OR8U3: variants seen among roughly 807,000 people sequenced by gnomAD.
OR8U3 encodes the protein olfactory receptor 8U3.
For missense variants in OR8U3, 429 were observed against 388.6 expected, an observed-to-expected ratio of 1.10 and a Z score of -0.88; for synonymous variants, 170 against 147.0, an observed-to-expected ratio of 1.16 and a Z score of -1.13.
rs776135036 is a variant in OR8U3, at chr11:56,417,371, G to A, written c.862C>T (p.Leu288=). 6 of 1,612,404 alleles carry A rather than the reference G, an allele frequency of 3.7e-6. No individual in the cohort carries two copies. The Admixed American group carries it at 5.0e-5, about 13-fold the overall frequency. ...YTVVIPMLNP[L]IYSLRNKEVK... is the part of the protein sequence containing the mutation. The stretch of plus-strand genomic sequence containing the variant: ...TCTTTGTTCCTTAGACTATAGATTA[G>A]GGGGTTTAACATGGGGATCACCACT... The change falls in exon 1 of 1, where the codon CTA becomes TTA. Residue 288 remains leucine, a synonymous_variant. Transcript: ENST00000623286.
rs771732923 is a variant in OR8U3, at chr11:56,417,334, G to T, written c.899C>A (p.Ala300Asp). ...ACCTTTATCCAAGGCTTTCTTTGAG[G>T]CATCTTTCACTTCTTTGTTCCTTAG... ...YSLRNKEVKD[A>D]SKKALDKGCE... The change falls in exon 1 of 1, where the codon GCC (alanine) becomes GAC (aspartate). Residue 300 changes from alanine to aspartate, a missense_variant. Coordinates refer to ENST00000623286, the MANE Select transcript of OR8U3 (RefSeq NM_001004744.1). 11 of 1,598,052 alleles carry T rather than the reference G, an allele frequency of 6.9e-6. No homozygotes were observed. The highest frequency in any genetic ancestry group is 9.4e-6 in the Non-Finnish European group (11 of 1,167,518).
Position 56,417,767 on chromosome 11 carries a change from CA to C in OR8U3, c.465del (p.Ala156ProfsTer11). 1 of 1,614,002 alleles carries C rather than the reference CA, an allele frequency of 6.2e-7. No homozygotes were observed. The highest frequency in any genetic ancestry group is 1.7e-5 in the Admixed American group (1 of 59,994). On this transcript the variant is annotated frameshift_variant, in exon 1 of 1. Coordinates refer to ENST00000623286, the MANE Select transcript of OR8U3 (RefSeq NM_001004744.1). LOFTEE classifies it low-confidence loss of function (END_TRUNC). ...AAAGTGATAACGGTGTGGAAGAGGGCAACCAGGAAGCTGTATATATATGGAA... is the reference window on the plus strand; with the variant it reads ...AAAGTGATAACGGTGTGGAAGAGGGCACCAGGAAGCTGTATATATATGGAA... ...VAVPYIYSFL[V>X]ALFHTVITFR...
rs1353156161 is a variant in OR8U3, at chr11:56,417,519, A to T, written c.714T>A (p.Ile238=). ...TCACCATATGGGAGCCACAGGTGGAAATGGCTTTGTGTTGCCCCTGAGTAG... is the reference window on the plus strand; with the variant it reads ...TCACCATATGGGAGCCACAGGTGGATATGGCTTTGTGTTGCCCCTGAGTAG... ...IRSTQGQHKA[I]STCGSHMVTV... Residue 238 remains isoleucine (I), a synonymous_variant, in exon 1 of 1, where the codon ATT becomes ATA. Coordinates refer to ENST00000623286, the MANE Select transcript of OR8U3 (RefSeq NM_001004744.1). 2 of 1,613,932 alleles carry T rather than the reference A, an allele frequency of 1.2e-6. No homozygotes were observed. Among genetic ancestry groups the T allele is most frequent in the Non-Finnish European group, 1.7e-6 (2 of 1,179,970 alleles).
In OR8U3 at chr11:56,417,424, G is replaced by T. The variant is rs761333374; in HGVS notation, c.809C>A (p.Thr270Lys). 6.2e-7 allele frequency: 1 copy of T among 1,613,304 alleles called. No homozygotes were observed. The highest frequency in any genetic ancestry group is 1.1e-5 in the South Asian group (1 of 91,058). Residue 270 changes from threonine to lysine, a missense_variant, in exon 1 of 1, where the codon ACA becomes AAA. Transcript: ENST00000623286. The part of the protein sequence containing the change: ...LQPKSNHSLD[T>K]DKMASVFYTV... ...GTAAAATACAGAAGCCATCTTGTCT[G>T]TGTCCAAGGAGTGATTTGATTTGGG...
rs1438388487 is a variant in OR8U3, at chr11:56,417,573, AAAG to A, written c.657_659del (p.Phe220del). 1.2e-6 allele frequency: 2 copies of A among 1,613,878 alleles called. No homozygotes were observed. The highest frequency in any genetic ancestry group is 1.7e-6 in the Non-Finnish European group (2 of 1,179,828). ...GGATCCTTAGGATAGCGGCAATAAT[AAAG>A]ATGTAGGAGGTGAGGACAATGGAAG... On this transcript the variant is annotated inframe_deletion, in exon 1 of 1. Transcript: ENST00000623286.
At position 56,418,215 on chromosome 11, in the gene OR8U3, G is replaced by T. The variant is rs749261947; in HGVS notation, c.18C>A (p.Ile6=). The change falls in exon 1 of 1, where the codon ATC becomes ATA. Residue 6 remains isoleucine, a synonymous_variant. Transcript: ENST00000623286. MAEVN[I]IYVTVFILKG... is the part of the protein sequence containing the mutation. ...TCAGAATGAATACAGTGACATAAAT[G>T]ATATTAACTTCAGCCATTTATCCTA... The T allele has an allele frequency of 6.3e-6, 10 of 1,583,894 alleles. No homozygotes were observed. Among genetic ancestry groups the T allele is most frequent in the Non-Finnish European group, 8.6e-6 (10 of 1,168,716 alleles).
At position 56,417,350 on chromosome 11, in the gene OR8U3, T is replaced by G; in HGVS notation, c.883A>C (p.Lys295Gln). Residue 295 changes from lysine (K) to glutamine (Q), a missense_variant, in exon 1 of 1, where the codon AAA becomes CAA. Lys to Gln is a moderately conservative substitution (Grantham distance 53). Coordinates refer to ENST00000623286, the MANE Select transcript of OR8U3 (RefSeq NM_001004744.1). ...TTCTTTGAGGCATCTTTCACTTCTTTGTTCCTTAGACTATAGATTAGGGGG... is the reference window on the plus strand; with the variant it reads ...TTCTTTGAGGCATCTTTCACTTCTTGGTTCCTTAGACTATAGATTAGGGGG... ...LNPLIYSLRNKEVKDASKKAL... is the reference protein window; with the variant it reads ...LNPLIYSLRNQEVKDASKKAL... The G allele has an allele frequency of 6.2e-7, 1 of 1,610,210 alleles. No homozygotes were observed. Among genetic ancestry groups the G allele is most frequent in the Non-Finnish European group, 8.5e-7 (1 of 1,176,850 alleles).
Position 56,418,191 on chromosome 11 carries a change from C to A in OR8U3, c.42G>T (p.Leu14=). ...GCTCTGGCCGGTTGGTAATTCCTTT[C>A]AGAATGAATACAGTGACATAAATGA... ...VNIIYVTVFI[L]KGITNRPELQ... The change falls in exon 1 of 1, where the codon CTG becomes CTT. Residue 14 remains leucine, a synonymous_variant. Transcript: ENST00000623286. The A allele has an allele frequency of 6.2e-7, 1 of 1,610,204 alleles. No individual in the cohort carries two copies. The highest frequency in any genetic ancestry group is 8.5e-7 in the Non-Finnish European group (1 of 1,178,228).
At position 56,417,502 on chromosome 11, in the gene OR8U3, TG is replaced by T; in HGVS notation, c.730del (p.His244IlefsTer3). On this transcript the variant is annotated frameshift_variant, in exon 1 of 1. Coordinates refer to ENST00000623286, the MANE Select transcript of OR8U3 (RefSeq NM_001004744.1). LOFTEE classifies it low-confidence loss of function (END_TRUNC). Reference sequence around the variant, plus strand: ...ATAGAAAATAGTGACAGTCACCATATGGGAGCCACAGGTGGAAATGGCTTTG... The same window carrying T: ...ATAGAAAATAGTGACAGTCACCATATGGAGCCACAGGTGGAAATGGCTTTG... ...QHKAISTCGSHMVTVTIFYGT... is the reference protein window; with the variant it reads ...QHKAISTCGSXMVTVTIFYGT... 2 of 1,613,982 alleles carry T rather than the reference TG, an allele frequency of 1.2e-6. No homozygotes were observed. The highest frequency in any genetic ancestry group is 1.7e-6 in the Non-Finnish European group (2 of 1,179,932).
In OR8U3 at chr11:56,418,084, T is replaced by G. The variant is rs1490726534; in HGVS notation, c.149A>C (p.Lys50Thr). ...LGNLGLITLIKIDTRLHTPMY... is the reference protein window; with the variant it reads ...LGNLGLITLITIDTRLHTPMY... The stretch of plus-strand genomic sequence containing the variant: ...AGGTGTGTGGAGTCGAGTATCAATC[T>G]TGATTAAAGTAATCAACCCAAGATT... Residue 50 changes from lysine (K) to threonine (T), a missense_variant, in exon 1 of 1, where the codon AAG becomes ACG. Coordinates refer to ENST00000623286, the MANE Select transcript of OR8U3 (RefSeq NM_001004744.1). 6.2e-7 allele frequency: 1 copy of G among 1,613,776 alleles called. No individual in the cohort carries two copies. The highest frequency in any genetic ancestry group is 8.5e-7 in the Non-Finnish European group (1 of 1,179,890).
chr11:56,417,892 A>T lies in OR8U3; in HGVS notation c.341T>A (p.Leu114His). The T allele has an allele frequency of 6.2e-7, 1 of 1,613,936 alleles. No homozygotes were observed. ...GCAATCGTAGGCCATGGAGGCTAGA[A>T]GGAAACACTCAGTGATCATGAAGGT... ...FLTFMITECFLLASMAYDCYV... is the reference protein window; with the variant it reads ...FLTFMITECFHLASMAYDCYV... Residue 114 changes from leucine to histidine, a missense_variant, in exon 1 of 1, where the codon CTT becomes CAT. Transcript: ENST00000623286.
At position 56,417,959 on chromosome 11, in the gene OR8U3, T is replaced by A. The variant is rs1232507731; in HGVS notation, c.274A>T (p.Ile92Phe). ...TGGGTTGCACAAGCATGGAAAGGAA[T>A]GGTGTTGCGTTCCACAACAAAATTC... ...MVNFVVERNT[I>F]PFHACATQLG... The change falls in exon 1 of 1, where the codon ATT becomes TTT. Residue 92 changes from isoleucine to phenylalanine, a missense_variant. Ile to Phe is a conservative substitution (Grantham distance 21). Coordinates refer to ENST00000623286, the MANE Select transcript of OR8U3 (RefSeq NM_001004744.1). 6.2e-7 allele frequency: 1 copy of A among 1,613,690 alleles called. No homozygotes were observed. The highest frequency in any genetic ancestry group is 1.3e-5 in the African/African-American group (1 of 74,886).
At position 56,418,101 on chromosome 11, in the gene OR8U3, C is replaced by A; in HGVS notation, c.132G>T (p.Gly44=). 6.2e-7 allele frequency: 1 copy of A among 1,613,762 alleles called. No homozygotes were observed. The highest frequency in any genetic ancestry group is 1.3e-5 in the African/African-American group (1 of 74,952). Residue 44 remains glycine, a synonymous_variant, in exon 1 of 1, where the codon GGG becomes GGT. Transcript: ENST00000623286. ...TATCAATCTTGATTAAAGTAATCAA[C>A]CCAAGATTGCCCAGCACTGTGACCA... The part of the protein sequence containing the change: ...IYLVTVLGNL[G]LITLIKIDTR...
In OR8U3 at chr11:56,417,385, G is replaced by A; in HGVS notation, c.848C>T (p.Pro283Leu). Residue 283 changes from proline to leucine, a missense_variant, in exon 1 of 1, where the codon CCC becomes CTC. Pro to Leu is a moderately conservative substitution (Grantham distance 98). Coordinates refer to ENST00000623286, the MANE Select transcript of OR8U3 (RefSeq NM_001004744.1). ...ACTATAGATTAGGGGGTTTAACATGGGGATCACCACTGTGTAAAATACAGA... is the reference window on the plus strand; with the variant it reads ...ACTATAGATTAGGGGGTTTAACATGAGGATCACCACTGTGTAAAATACAGA... ...MASVFYTVVI[P>L]MLNPLIYSLR... 6.2e-7 allele frequency: 1 copy of A among 1,613,126 alleles called. No individual in the cohort carries two copies. Among genetic ancestry groups the A allele is most frequent in the Non-Finnish European group, 8.5e-7 (1 of 1,179,216 alleles).
chr11:56,417,955 G>C lies in OR8U3; in HGVS notation c.278C>G (p.Pro93Arg). Residue 93 changes from proline (P) to arginine (R), a missense_variant, in exon 1 of 1, where the codon CCT becomes CGT. Transcript: ENST00000623286. ...CAGTTGGGTTGCACAAGCATGGAAA[G>C]GAATGGTGTTGCGTTCCACAACAAA... is the stretch of plus-strand genomic sequence containing the variant. ...VNFVVERNTI[P>R]FHACATQLGC... 6.2e-7 allele frequency: 1 copy of C among 1,613,842 alleles called. No individual in the cohort carries two copies. The highest frequency in any genetic ancestry group is 8.5e-7 in the Non-Finnish European group (1 of 1,179,894).
At position 56,417,939 on chromosome 11, in the gene OR8U3, T is replaced by G. The variant is rs1853178574; in HGVS notation, c.294A>C (p.Ala98=). 1 of 1,613,864 alleles carries G rather than the reference T, an allele frequency of 6.2e-7. No individual in the cohort carries two copies. The highest frequency in any genetic ancestry group is 1.1e-5 in the South Asian group (1 of 91,082). Residue 98 remains alanine (A), a synonymous_variant, in exon 1 of 1, where the codon GCA becomes GCC. Coordinates refer to ENST00000623286, the MANE Select transcript of OR8U3 (RefSeq NM_001004744.1). The part of the protein sequence containing the change: ...ERNTIPFHAC[A]TQLGCFLTFM... ...AGGTGAGAAAACAACCCAGTTGGGT[T>G]GCACAAGCATGGAAAGGAATGGTGT...
In OR8U3 at chr11:56,417,905, T is replaced by G; in HGVS notation, c.328A>C (p.Thr110Pro). The change falls in exon 1 of 1, where the codon ACT (threonine) becomes CCT (proline). Residue 110 changes from threonine to proline, a missense_variant. Transcript: ENST00000623286. Reference protein sequence around the residue: ...QLGCFLTFMITECFLLASMAY... With the variant: ...QLGCFLTFMIPECFLLASMAY... ...ATGGAGGCTAGAAGGAAACACTCAG[T>G]GATCATGAAGGTGAGAAAACAACCC... The G allele has an allele frequency of 6.2e-7, 1 of 1,613,846 alleles. No homozygotes were observed. Among genetic ancestry groups the G allele is most frequent in the Non-Finnish European group, 8.5e-7 (1 of 1,179,858 alleles).
In OR8U3 at chr11:56,417,885, G is replaced by T; in HGVS notation, c.348C>A (p.Ala116=). 1 of 1,613,852 alleles carries T rather than the reference G, an allele frequency of 6.2e-7. No individual in the cohort carries two copies. The highest frequency in any genetic ancestry group is 8.5e-7 in the Non-Finnish European group (1 of 1,179,874). The change falls in exon 1 of 1, where the codon GCC becomes GCA. Residue 116 remains alanine (A), a synonymous_variant. Coordinates refer to ENST00000623286, the MANE Select transcript of OR8U3 (RefSeq NM_001004744.1). The part of the protein sequence containing the change: ...TFMITECFLL[A]SMAYDCYVAI... ...CGACATAGCAATCGTAGGCCATGGA[G>T]GCTAGAAGGAAACACTCAGTGATCA...
In OR8U3 at chr11:56,418,168, T is replaced by C; in HGVS notation, c.65A>G (p.Glu22Gly). ...CACCCCAAAGCACGGGGCCTGAAGC[T>C]CTGGCCGGTTGGTAATTCCTTTCAG... The part of the protein sequence containing the change: ...FILKGITNRP[E>G]LQAPCFGVFL... The change falls in exon 1 of 1, where the codon GAG becomes GGG. Residue 22 changes from glutamate to glycine, a missense_variant. By Grantham distance (98) the Glu-to-Gly change is moderately conservative (BLOSUM62 -2). Transcript: ENST00000623286. 1.9e-6 allele frequency: 3 copies of C among 1,613,138 alleles called. No individual in the cohort carries two copies. The highest frequency in any genetic ancestry group is 2.5e-6 in the Non-Finnish European group (3 of 1,179,530).
Sources: gnomAD v4.1 joint callset for allele counts on GRCh38, gnomAD v4.1.1 for gene constraint, MANE v1.5 for transcripts, NCBI Gene and HGNC (gene_info 2026-07-23, HGNC 2026-07-21) for gene names.